CCSER1: variants seen among roughly 807,000 people sequenced by gnomAD.
The protein encoded by CCSER1 is serine-rich coiled-coil domain-containing protein 1.
In CCSER1, 41 loss-of-function variants were observed where a neutral mutation model predicts 82.0. The observed-to-expected ratio is 0.50, with a 90% confidence interval of 0.39 to 0.65. The LOEUF (loss-of-function observed/expected upper bound fraction) is 0.65. Among genes scored for constraint, CCSER1 ranks in the 30% least tolerant of loss-of-function variants. The probability of loss-of-function intolerance (pLI) is 0.00; values close to 1 mark genes in which losing one functional copy is unlikely to be tolerated. For missense variants in CCSER1, 1,119 were observed against 1,064.2 expected (o/e 1.05, Z -0.72); for synonymous variants, 414 against 383.9 (o/e 1.08, Z -0.92).
chr4:90,323,406 G>A (rs1737528903), intron 3 of CCSER1, among the ~76,000 whole-genome samples: 1 of 152,222 alleles, frequency 6.6e-6, no homozygotes, highest in East Asian at 1.9e-4. Flanking sequence ...GGAGCTAGCT[G>A]GAGCTCAGAT....
chr4:90,727,236 A>G (rs1049540590), intron 7 of CCSER1: 5 of 456,054 alleles, frequency 1.1e-5, no homozygotes, highest in Non-Finnish European at 2.2e-5. Context: ...GTACACACAT[A>G]TGGTCTGACA....
In CCSER1 at chr4:91,532,068, A is replaced by G. The variant is rs571516972; in HGVS notation, c.2218-66504A>G. On this transcript the variant is annotated intron_variant, in intron 10 of 10. Coordinates refer to ENST00000509176, the MANE Select transcript of CCSER1 (RefSeq NM_001145065.2). ...AGTTTCTTGTCACTATGCTATAATT[A>G]ATGTTTTTATGCAGAATGGAGAATG... is the stretch of plus-strand genomic sequence containing the variant. Among the ~76,000 whole-genome samples, 7 of 152,330 alleles carry G rather than the reference A, an allele frequency of 4.6e-5. No individual in the cohort carries two copies. In the South Asian group the frequency reaches 1.4e-3, roughly 32 times the overall value.
At chr4:90,921,743 C>G (rs925702160) in intron 8 of CCSER1, among the ~76,000 whole-genome samples, 3 of 152,016 alleles carry the variant, frequency 2.0e-5, no homozygotes, top group African/African-American at 7.2e-5. Context: ...TACATGAGTG[C>G]ATAGACTCTA....
intron 10 of CCSER1, among the ~76,000 whole-genome samples, chr4:91,565,412 A>T (rs1046988028): frequency 2.0e-5 from 3 of 151,970 alleles, no homozygotes; most frequent in Non-Finnish European, 4.4e-5. Context: ...TGAAATTAAA[A>T]TTATTTTTTC....
intron 8 of CCSER1, among the ~76,000 whole-genome samples, chr4:90,862,153 TTATTA>T (rs1765192853): frequency 6.6e-6 from 1 of 151,698 alleles, no homozygotes; most frequent in Non-Finnish European, 1.5e-5. Context: ...TGAGTACAAT[TTATTA>T]TAAGATTATT....
intron 10 of CCSER1, among the ~76,000 whole-genome samples, chr4:91,487,794 T>C (rs2110062345): frequency 6.6e-6 from 1 of 152,168 alleles, no homozygotes; most frequent in East Asian, 1.9e-4. Context: ...TTATACATTA[T>C]ACATAACATT....
At chr4:90,829,576 CAGAA>C (rs1217293046) in intron 8 of CCSER1, among the ~76,000 whole-genome samples, 1 of 152,094 alleles carries the variant, frequency 6.6e-6, no homozygotes, top group Non-Finnish European at 1.5e-5. Flanking sequence ...CTTGCCGCCT[CAGAA>C]AGAATTTGAC....
intron 7 of CCSER1, among the ~76,000 whole-genome samples, chr4:90,763,318 A>G (rs1242937260): frequency 3.3e-5 from 5 of 152,042 alleles, no homozygotes; most frequent in Middle Eastern, 3.4e-3. Context: ...CACAGCCTGG[A>G]AGATTTGGGA....
chr4:90,639,854 G>A (rs1281924869), intron 6 of CCSER1, among the ~76,000 whole-genome samples: 3 of 152,132 alleles, frequency 2.0e-5, no homozygotes, highest in Non-Finnish European at 4.4e-5. Context: ...CATCCAGCAA[G>A]ATCATGGCTA....
At chr4:90,544,439 G>A (rs962153349) in intron 5 of CCSER1, among the ~76,000 whole-genome samples, 1 of 152,072 alleles carries the variant, frequency 6.6e-6, no homozygotes, top group Non-Finnish European at 1.5e-5. Context: ...AGTTCCTAGC[G>A]TGAAACTTCT....
chr4:90,209,197 C>T lies in CCSER1; in HGVS notation c.-42+81366C>T, dbSNP rs191092810. On this transcript the variant is annotated intron_variant, in intron 1 of 10. Coordinates refer to ENST00000509176, the MANE Select transcript of CCSER1 (RefSeq NM_001145065.2). Reference sequence around the variant, plus strand: ...TATAAAGAAGCTGTAAAGGGTGACCCGCTGAAATAGATGGCGGTATGGGTG... The same window carrying T: ...TATAAAGAAGCTGTAAAGGGTGACCTGCTGAAATAGATGGCGGTATGGGTG... Among the ~76,000 whole-genome samples the T allele has an allele frequency of 4.8e-3, 731 of 152,202 alleles. 7 individuals are homozygous for T. Among genetic ancestry groups the T allele is most frequent in the African/African-American group, 0.017 (698 of 41,540 alleles).
At chr4:90,499,092 G>T (rs1490427216) in intron 5 of CCSER1, among the ~76,000 whole-genome samples, 1 of 151,688 alleles carries the variant, frequency 6.6e-6, no homozygotes, top group Non-Finnish European at 1.5e-5. Flanking sequence ...AAATATATAT[G>T]TGTGTGTATA....
At chr4:90,345,092 T>G (rs1478292170) in intron 3 of CCSER1, among the ~76,000 whole-genome samples, 3 of 152,110 alleles carry the variant, frequency 2.0e-5, no homozygotes, top group African/African-American at 4.8e-5. Context: ...CACTATCAAC[T>G]GTTTTATTGT....
chr4:90,844,081 A>T (rs1261332525), intron 8 of CCSER1, among the ~76,000 whole-genome samples: 9 of 151,458 alleles, frequency 5.9e-5, no homozygotes, highest in African/African-American at 1.9e-4. Flanking sequence ...CCACCATTCA[A>T]ATCTCCTTCC....
At chr4:91,447,399 G>A (rs1250259245) in intron 10 of CCSER1, among the ~76,000 whole-genome samples, 2 of 142,502 alleles carry the variant, frequency 1.4e-5, no homozygotes, top group African/African-American at 5.2e-5. Context: ...CCCTAAACCT[G>A]CTATTTCTCC....
intron 10 of CCSER1, among the ~76,000 whole-genome samples, chr4:91,489,221 T>C (rs1451760211): frequency 6.6e-6 from 1 of 152,028 alleles, no homozygotes; most frequent in Non-Finnish European, 1.5e-5. Flanking sequence ...CAGAGAGGGG[T>C]AGAAGAGGTA....
intron 3 of CCSER1, among the ~76,000 whole-genome samples, chr4:90,342,422 C>T (rs1045266427): frequency 1.3e-5 from 2 of 152,180 alleles, no homozygotes; most frequent in African/African-American, 2.4e-5. Context: ...CTCACCCTTA[C>T]GCCATCCTCC....
At chr4:90,490,045 G>C (rs1767732491) in intron 5 of CCSER1, among the ~76,000 whole-genome samples, 1 of 152,124 alleles carries the variant, frequency 6.6e-6, no homozygotes, top group Non-Finnish European at 1.5e-5. Context: ...CCAGTAATTG[G>C]ATTGCTGGGT....
chr4:90,745,678 C>CT (rs537380046), intron 7 of CCSER1, among the ~76,000 whole-genome samples: 808 of 72,246 alleles, frequency 0.011, 84 homozygotes, highest in African/African-American at 0.022. Flanking sequence ...TTTCTTTTAT[C>CT]TTTTTTTTTT....
Sources: gnomAD v4.1 joint callset for allele counts (sites outside exome capture counted in the v4.1 genomes callset) on GRCh38, gnomAD v4.1.1 for gene constraint, MANE v1.5 for transcripts, NCBI Gene and HGNC (gene_info 2026-07-23, HGNC 2026-07-21) for gene names.